Variants in FTO observed in about 807,000 individuals in gnomAD.
FTO encodes FTO alpha-ketoglutarate dependent dioxygenase, also known as alpha-ketoglutarate-dependent dioxygenase FTO.
A neutral mutation model predicts 63.9 loss-of-function variants in FTO; 47 were observed. The observed-to-expected ratio is 0.74, with a 90% CI of 0.58 to 0.94. FTO has a LOEUF of 0.94. Among genes scored for constraint, FTO ranks in the 40% least tolerant of loss-of-function variants. The pLI is 0.00. For missense variants in FTO, 562 were observed against 618.1 expected (o/e 0.91, Z 0.96); for synonymous variants, 207 against 224.4 (o/e 0.92, Z 0.69).
intron 2 of FTO, among the ~76,000 whole-genome samples, chr16:53,818,888 G>A (rs2078772718): frequency 6.6e-6 from 1 of 152,032 alleles, no homozygotes. Flanking sequence ...ATAGCAGTAT[G>A]ATGAATATTC....
At position 54,030,674 on chromosome 16, in the gene FTO, G is replaced by A. The variant is rs544697151; in HGVS notation, c.1365-81088G>A. Among the ~76,000 whole-genome samples, 4 of 152,258 alleles carry A rather than the reference G, an allele frequency of 2.6e-5. No individual in the cohort carries two copies. The East Asian group carries it at 5.8e-4, about 22-fold the overall frequency. ...CTTCCTCTCTTCAAGGCTATGTTTA[G>A]TGCATCAGGAATCGAAAGACATCTA... On this transcript the variant is annotated intron_variant, in intron 8 of 8. Coordinates refer to ENST00000471389, the MANE Select transcript of FTO (RefSeq NM_001080432.3).
At chr16:54,046,956 C>A (rs2085183691) in intron 8 of FTO, among the ~76,000 whole-genome samples, 1 of 128,360 alleles carries the variant, frequency 7.8e-6, no homozygotes, top group Non-Finnish European at 1.6e-5. Context: ...ATACAAAAAT[C>A]AATTCAAGAT....
intron 4 of FTO, among the ~76,000 whole-genome samples, chr16:53,852,615 T>C (rs72805650): frequency 0.051 from 7,770 of 152,220 alleles, 463 homozygotes; most frequent in African/African-American, 0.13. Flanking sequence ...TATTGCAAAA[T>C]GAGATAGAGT....
intron 8 of FTO, among the ~76,000 whole-genome samples, chr16:54,090,120 G>A (rs1180867043): frequency 6.6e-6 from 1 of 151,984 alleles, no homozygotes; most frequent in African/African-American, 2.4e-5. Flanking sequence ...TTCTAAAGGT[G>A]GAAACAACCC....
At position 54,109,528 on chromosome 16, in the gene FTO, C is replaced by T. The variant is rs1012742955; in HGVS notation, c.1365-2234C>T. On this transcript the variant is annotated intron_variant, in intron 8 of 8. Coordinates refer to ENST00000471389, the MANE Select transcript of FTO (RefSeq NM_001080432.3). ...GTGTTTTTTAGTAGAGACAGGGTTT[C>T]GCCACATTGCCCAGGCTGGTTTCTG... Among the ~76,000 whole-genome samples, 16 of 152,218 alleles carry T rather than the reference C, an allele frequency of 1.1e-4. No homozygotes were observed. The South Asian group carries it at 1.7e-3, about 16-fold the overall frequency.
chr16:53,805,034 A>G (rs1459740728), intron 1 of FTO, among the ~76,000 whole-genome samples: 1 of 152,212 alleles, frequency 6.6e-6, no homozygotes, highest in Non-Finnish European at 1.5e-5. Context: ...TATTTTCACA[A>G]TGAACATTCA....
chr16:53,871,558 C>T lies in FTO; in HGVS notation c.896-2228C>T, dbSNP rs548252448. ...TTAGAAGAAAAGAGAGATGTGACTA[C>T]CTCGCATATTTTGTGTGTGTGTATG... On this transcript the variant is annotated intron_variant, in intron 4 of 8. Transcript: ENST00000471389. 1.1e-4 allele frequency among the ~76,000 whole-genome samples: 17 copies of T among 152,114 alleles called. No homozygotes were observed. In the South Asian group the frequency reaches 3.5e-3, roughly 32 times the overall value.
At chr16:54,062,443 T>C (rs2085602681) in intron 8 of FTO, among the ~76,000 whole-genome samples, 1 of 152,164 alleles carries the variant, frequency 6.6e-6, no homozygotes, top group South Asian at 2.1e-4. Context: ...GCTTCCTCAG[T>C]GATGGGTATC....
At chr16:54,010,843 G>A (rs2084318301) in intron 8 of FTO, among the ~76,000 whole-genome samples, 3 of 152,178 alleles carry the variant, frequency 2.0e-5, no homozygotes, top group Non-Finnish European at 4.4e-5. Flanking sequence ...CTGAAGCAGT[G>A]GGCCAGCTGG....
intron 8 of FTO, among the ~76,000 whole-genome samples, chr16:53,968,023 G>A (rs1253959466): frequency 6.6e-6 from 1 of 152,146 alleles, no homozygotes; most frequent in Non-Finnish European, 1.5e-5. Context: ...ATGTATATGT[G>A]TGTGTTCACA....
intron 1 of FTO, among the ~76,000 whole-genome samples, chr16:53,800,433 T>C (rs1157936364): frequency 6.6e-6 from 1 of 152,184 alleles, no homozygotes; most frequent in African/African-American, 2.4e-5. Flanking sequence ...ATATTGTATG[T>C]GTATTTGAAA....
At chr16:53,742,484 G>A (rs1292710331) in intron 1 of FTO, among the ~76,000 whole-genome samples, 1 of 152,134 alleles carries the variant, frequency 6.6e-6, no homozygotes, top group African/African-American at 2.4e-5. Context: ...TGCCTTCTAA[G>A]GTGGTTATAA....
intron 3 of FTO, among the ~76,000 whole-genome samples, chr16:53,837,601 C>T (rs1340130568): frequency 1.3e-5 from 2 of 152,082 alleles, no homozygotes; most frequent in African/African-American, 4.8e-5. Context: ...TGTGCTGTGT[C>T]AGCAGCAAGC....
At chr16:54,042,829 A>AC (rs1394243985) in intron 8 of FTO, among the ~76,000 whole-genome samples, 2 of 69,124 alleles carry the variant, frequency 2.9e-5, no homozygotes, top group Non-Finnish European at 4.7e-5. Flanking sequence ...ACTGGGAGGC[A>AC]CCCCCCAGCA....
intron 8 of FTO, among the ~76,000 whole-genome samples, chr16:53,996,387 T>C (rs2083932486): frequency 6.6e-6 from 1 of 152,214 alleles, no homozygotes; most frequent in African/African-American, 2.4e-5. Context: ...CTGGCCTCTA[T>C]TCTTCTGTTA....
intron 4 of FTO, among the ~76,000 whole-genome samples, chr16:53,869,794 C>G (rs1160360756): frequency 6.6e-6 from 1 of 152,062 alleles, no homozygotes; most frequent in Non-Finnish European, 1.5e-5. Context: ...CCTTTAGGGT[C>G]CTTAGAATAG....
At chr16:53,761,981 T>C (rs1392618637) in intron 1 of FTO, among the ~76,000 whole-genome samples, 1 of 152,184 alleles carries the variant, frequency 6.6e-6, no homozygotes, top group Non-Finnish European at 1.5e-5. Context: ...AAGTAGACTT[T>C]GGGGGTAATA....
At chr16:53,870,821 T>C (rs1317118422) in intron 4 of FTO, among the ~76,000 whole-genome samples, 1 of 152,232 alleles carries the variant, frequency 6.6e-6, no homozygotes, top group Non-Finnish European at 1.5e-5. Context: ...TATTTTTCTT[T>C]TGCCTGTAGA....
chr16:53,715,781 A>G (rs1272893471), intron 1 of FTO, among the ~76,000 whole-genome samples: 1 of 152,098 alleles, frequency 6.6e-6, no homozygotes, highest in African/African-American at 2.4e-5. Context: ...TTATATGTTT[A>G]TTTGTATATA....
Sources: allele counts gnomAD v4.1 joint callset (sites outside exome capture counted in the v4.1 genomes callset), GRCh38; gene constraint gnomAD v4.1.1; transcripts MANE v1.5; gene names NCBI Gene and HGNC (gene_info 2026-07-23, HGNC 2026-07-21).